Variants in STK32B observed in about 807,000 individuals in gnomAD.
The protein encoded by STK32B is serine/threonine kinase 32B.
In STK32B, 43 loss-of-function variants were observed where a neutral mutation model predicts 52.6. That is an observed-to-expected ratio of 0.82 (90% CI 0.64 to 1.05). The LOEUF (loss-of-function observed/expected upper bound fraction) is 1.05, where lower values mean the gene tolerates loss of function less well. Ranked by LOEUF, STK32B falls within the 50% of genes least tolerant of loss-of-function variation. The probability of loss-of-function intolerance (pLI) is 0.00; values close to 1 mark genes in which losing one functional copy is unlikely to be tolerated. For missense variants in STK32B, 621 were observed against 534.6 expected, an observed-to-expected ratio of 1.16 and a Z score of -1.59; for synonymous variants, 238 against 204.3, an observed-to-expected ratio of 1.17 and a Z score of -1.41.
chr4:5,074,209 T>TGTGTGTGCGC (rs397878571), intron 1 of STK32B, among the ~76,000 whole-genome samples: 154 of 144,316 alleles, frequency 1.1e-3, no homozygotes, highest in Admixed American at 2.0e-3. Flanking sequence ...TGTGTGTGTG[T>TGTGTGTGCGC]GCGCGTGCGT....
chr4:5,275,216 T>C (rs1727734533), intron 3 of STK32B, among the ~76,000 whole-genome samples: 1 of 152,192 alleles, frequency 6.6e-6, no homozygotes, highest in African/African-American at 2.4e-5. Context: ...ACCAATTATA[T>C]AATATTAAGT....
chr4:5,437,395 G>A (rs962077862), intron 6 of STK32B, among the ~76,000 whole-genome samples: 4 of 152,210 alleles, frequency 2.6e-5, no homozygotes, highest in African/African-American at 7.2e-5. Context: ...AGCTCCAGGC[G>A]TTCCTTGGCT....
chr4:5,028,537 T>C, the STK32B span, among the ~76,000 whole-genome samples: 1 of 152,218 alleles, frequency 6.6e-6, no homozygotes, highest in Non-Finnish European at 1.5e-5. Flanking sequence ...CTTTTCTACA[T>C]GCTCTATGAT....
intron 4 of STK32B, among the ~76,000 whole-genome samples, chr4:5,347,032 C>T (rs1271625304): frequency 1.3e-5 from 2 of 152,176 alleles, no homozygotes; most frequent in Non-Finnish European, 2.9e-5. Flanking sequence ...GAAACTGCCC[C>T]TGTGATCTGG....
chr4:5,087,772 CATAAT>C (rs1211874372), intron 1 of STK32B, among the ~76,000 whole-genome samples: 6 of 151,600 alleles, frequency 4.0e-5, no homozygotes, highest in East Asian at 3.9e-4. Context: ...TTATGGATCT[CATAAT>C]ATAGCCCCAA....
chr4:5,051,299 C>T (rs1306860641), upstream of STK32B: 1 of 153,912 alleles, frequency 6.5e-6, no homozygotes, highest in African/African-American at 2.4e-5. Flanking sequence ...AGCGCGTAGC[C>T]GAGGCCTGGC....
intron 1 of STK32B, among the ~76,000 whole-genome samples, chr4:5,070,412 G>C (rs2108766506): frequency 6.6e-6 from 1 of 152,244 alleles, no homozygotes; most frequent in South Asian, 2.1e-4. Context: ...ACTTAGAGAG[G>C]ATTAGATAGT....
chr4:5,131,996 T>C (rs1477167759), intron 1 of STK32B, among the ~76,000 whole-genome samples: 1 of 152,222 alleles, frequency 6.6e-6, no homozygotes, highest in East Asian at 1.9e-4. Flanking sequence ...TAGCCTTTAA[T>C]GTAATCAGAG....
intron 1 of STK32B, among the ~76,000 whole-genome samples, chr4:5,099,459 C>CGT (rs1553823562): frequency 1.4e-5 from 2 of 140,426 alleles, no homozygotes; most frequent in South Asian, 2.1e-4. Context: ...TGCGCGCGCG[C>CGT]GTATGTGATG....
At chr4:5,235,270 G>A (rs537053198) in intron 3 of STK32B, among the ~76,000 whole-genome samples, 56 of 152,350 alleles carry the variant, frequency 3.7e-4, no homozygotes, top group Non-Finnish European at 6.3e-4. Flanking sequence ...GCACACAGCA[G>A]GCACTGGGCA....
At chr4:5,158,478 G>A (rs1015131053) in intron 2 of STK32B, among the ~76,000 whole-genome samples, 4 of 152,180 alleles carry the variant, frequency 2.6e-5, no homozygotes, top group Non-Finnish European at 5.9e-5. Flanking sequence ...AATTCTCCAC[G>A]TTGTTTGTTT....
chr4:5,489,716 G>A (rs917397138), intron 11 of STK32B, among the ~76,000 whole-genome samples: 1 of 151,952 alleles, frequency 6.6e-6, no homozygotes, highest in African/African-American at 2.4e-5. Flanking sequence ...CGCCTCCCAG[G>A]TTCAAGCGAT....
chr4:5,418,461 C>T (rs538237707), intron 6 of STK32B, among the ~76,000 whole-genome samples: 1 of 152,330 alleles, frequency 6.6e-6, no homozygotes, highest in African/African-American at 2.4e-5. Flanking sequence ...CACAAAGGTG[C>T]ACAAACATTT....
chr4:5,498,986 C>T lies in STK32B; in HGVS notation c.1148C>T (p.Thr383Ile), dbSNP rs1577071426. The change falls in exon 12 of 12, where the codon ACC becomes ATC. Residue 383 changes from threonine to isoleucine, a missense_variant. Thr to Ile is a moderately conservative substitution (Grantham distance 89). Transcript: ENST00000282908. ...GGACAGGGCAGCCAGCTCTTGGACA[C>T]CGACAGCCGAGGGGGAGGCCAGGCC... ...QQGQGSQLLD[T>I]DSRGGGQAQS... 3 of 1,613,732 alleles carry T rather than the reference C, an allele frequency of 1.9e-6. No individual in the cohort carries two copies. Among genetic ancestry groups the T allele is most frequent in the East Asian group, 4.5e-5 (2 of 44,874 alleles).
intron 3 of STK32B, among the ~76,000 whole-genome samples, chr4:5,174,593 T>C (rs565358821): frequency 1.1e-3 from 175 of 152,330 alleles, no homozygotes; most frequent in Non-Finnish European, 2.0e-3. Context: ...AATTCTGGGT[T>C]GAAAATTCTT....
At chr4:5,034,576 C>T in the STK32B span, among the ~76,000 whole-genome samples, 1 of 152,288 alleles carries the variant, frequency 6.6e-6, no homozygotes, top group Non-Finnish European at 1.5e-5. Flanking sequence ...TGAATCGTAC[C>T]ACAGTTTGTG....
chr4:5,437,152 A>G (rs572521324), intron 6 of STK32B, among the ~76,000 whole-genome samples: 71 of 152,362 alleles, frequency 4.7e-4, no homozygotes, highest in African/African-American at 1.7e-3. Flanking sequence ...GAAAACCAAG[A>G]GGTGCTAATC....
At chr4:5,332,429 G>A (rs1220138016) in intron 4 of STK32B, among the ~76,000 whole-genome samples, 3 of 152,104 alleles carry the variant, frequency 2.0e-5, no homozygotes, top group African/African-American at 4.8e-5. Flanking sequence ...TGGAATGGGG[G>A]CAGTTGGTGA....
At chr4:5,492,171 G>T (rs1336054427) in intron 11 of STK32B, among the ~76,000 whole-genome samples, 2 of 152,170 alleles carry the variant, frequency 1.3e-5, no homozygotes, top group South Asian at 2.1e-4. Context: ...ACCTTGGGCA[G>T]TATGGCCATT....
Sources: allele counts gnomAD v4.1 joint callset (sites outside exome capture counted in the v4.1 genomes callset), GRCh38; gene constraint gnomAD v4.1.1; transcripts MANE v1.5; gene names NCBI Gene and HGNC (gene_info 2026-07-23, HGNC 2026-07-21).